Variants in NCOA2 observed in about 807,000 individuals in gnomAD.
The protein encoded by NCOA2 is class E basic helix-loop-helix protein 75.
NCOA2 carries 21 observed loss-of-function variants against 145.1 expected under a neutral mutation model. The ratio of observed to expected loss-of-function variants is 0.14; its 90% confidence interval spans 0.10 to 0.21. The LOEUF (loss-of-function observed/expected upper bound fraction) is 0.21, where lower values mean the gene tolerates loss of function less well. Among genes scored for constraint, NCOA2 ranks in the 10% least tolerant of loss-of-function variants. The pLI is 1.00. For missense variants in NCOA2, 1,472 were observed against 1,837.6 expected, an observed-to-expected ratio of 0.80 and a Z score of 3.64; for synonymous variants, 619 against 637.5, an observed-to-expected ratio of 0.97 and a Z score of 0.44.
At chr8:70,433,757 C>T in the NCOA2 span, among the ~76,000 whole-genome samples, 2 of 152,064 alleles carry the variant, frequency 1.3e-5, no homozygotes, top group East Asian at 1.9e-4. Flanking sequence ...TGAATGTGAC[C>T]GGTGACAAAT....
At chr8:70,281,293 T>C (rs1203209441) in intron 2 of NCOA2, among the ~76,000 whole-genome samples, 1 of 142,342 alleles carries the variant, frequency 7.0e-6, no homozygotes, top group Non-Finnish European at 1.5e-5. Flanking sequence ...GAGGCGGAGG[T>C]TGTAGTGAGC....
chr8:70,413,821 C>CATTTAATCAAA, the NCOA2 span, among the ~76,000 whole-genome samples: 1 of 152,122 alleles, frequency 6.6e-6, no homozygotes, highest in African/African-American at 2.4e-5. Context: ...GCCTCGGCCC[C>CATTTAATCAAA]TGGGTTGTTT....
chr8:70,212,080 T>C (rs1332269521), intron 4 of NCOA2, among the ~76,000 whole-genome samples: 1 of 145,730 alleles, frequency 6.9e-6, no homozygotes, highest in Non-Finnish European at 1.5e-5. Flanking sequence ...TATATATATA[T>C]ATATATATAT....
chr8:70,215,514 G>A (rs1819522834), intron 3 of NCOA2, among the ~76,000 whole-genome samples: 1 of 152,090 alleles, frequency 6.6e-6, no homozygotes. Context: ...GAGATTTATT[G>A]GGCTTGATGT....
At chr8:70,201,072 A>AG (rs398047247) in intron 4 of NCOA2, among the ~76,000 whole-genome samples, 60 of 149,562 alleles carry the variant, frequency 4.0e-4, no homozygotes, top group Non-Finnish European at 7.7e-4. Flanking sequence ...AAAAAAAAAA[A>AG]GTAAAGTGAA....
In NCOA2 at chr8:70,112,144, C is replaced by G. The variant is rs893003594; in HGVS notation, c.*1488G>C. On this transcript the variant is annotated 3_prime_UTR_variant, in exon 23 of 23. Coordinates refer to ENST00000452400, the MANE Select transcript of NCOA2 (RefSeq NM_006540.4). The stretch of plus-strand genomic sequence containing the variant: ...ATTGGTTCCTACAGCGGCTGCATAT[C>G]ATATAGATTAGATAAATGACTTATA... 4.9e-6 allele frequency: 1 copy of G among 204,672 alleles called. No individual in the cohort carries two copies. The highest frequency in any genetic ancestry group is 2.3e-5 in the African/African-American group (1 of 43,722). The allele number at this position is 204,672 out of a possible 1,614,324, so 12.7% of individuals were successfully genotyped here.
intron 2 of NCOA2, among the ~76,000 whole-genome samples, chr8:70,220,008 C>T (rs1012905957): frequency 6.6e-6 from 1 of 152,156 alleles, no homozygotes; most frequent in East Asian, 1.9e-4. Context: ...ATATAAATTA[C>T]TTTTTCTATA....
At chr8:70,292,811 A>C (rs1030834440) in intron 2 of NCOA2, among the ~76,000 whole-genome samples, 1 of 152,218 alleles carries the variant, frequency 6.6e-6, no homozygotes, top group South Asian at 2.1e-4. Context: ...GTTCACACTA[A>C]TGTGTGCACA....
chr8:70,273,467 A>G, intron 2 of NCOA2: 1 of 632,566 alleles, frequency 1.6e-6, no homozygotes, highest in Admixed American at 2.4e-5. Context: ...GGTGGTTCAC[A>G]GAACAGCCAC....
the NCOA2 span, among the ~76,000 whole-genome samples, chr8:70,447,610 T>G: frequency 7.4e-3 from 1,119 of 152,070 alleles, 24 homozygotes; most frequent in East Asian, 0.075. Context: ...CCCTGGTTGA[T>G]AGTTAATTTA....
At chr8:70,445,316 G>C in the NCOA2 span, among the ~76,000 whole-genome samples, 1 of 152,148 alleles carries the variant, frequency 6.6e-6, no homozygotes. Context: ...GTGGGGAAAG[G>C]CTTGGTTGAA....
intron 2 of NCOA2, among the ~76,000 whole-genome samples, chr8:70,292,137 T>G (rs1400338643): frequency 6.6e-6 from 1 of 151,800 alleles, no homozygotes; most frequent in African/African-American, 2.4e-5. Context: ...GCCCTGTTTT[T>G]TGTTTGTTTG....
chr8:70,164,538 T>C (rs1163471820), intron 7 of NCOA2, among the ~76,000 whole-genome samples: 1 of 152,180 alleles, frequency 6.6e-6, no homozygotes, highest in East Asian at 1.9e-4. Context: ...CAGGTATTCA[T>C]GCTGTAAGGC....
At chr8:70,353,802 G>A (rs1379547837) in intron 1 of NCOA2, among the ~76,000 whole-genome samples, 1 of 152,090 alleles carries the variant, frequency 6.6e-6, no homozygotes, top group Non-Finnish European at 1.5e-5. Flanking sequence ...ATGTAAGCTT[G>A]CGCAGTGTCC....
At chr8:70,175,422 C>G (rs1035380433) in intron 4 of NCOA2, among the ~76,000 whole-genome samples, 4 of 152,222 alleles carry the variant, frequency 2.6e-5, no homozygotes, top group African/African-American at 9.6e-5. Flanking sequence ...CAAAGTGCTT[C>G]TCCATCTAAG....
At chr8:70,342,818 CACAT>C (rs980083403) in intron 1 of NCOA2, among the ~76,000 whole-genome samples, 6 of 143,300 alleles carry the variant, frequency 4.2e-5, no homozygotes, top group African/African-American at 1.1e-4. Flanking sequence ...CACACACACA[CACAT>C]CCCTACATGG....
rs565591100 is a variant in NCOA2, at chr8:70,129,001, A to G, written c.3325-21T>C. The G allele has an allele frequency of 3.2e-6, 5 of 1,569,496 alleles. No homozygotes were observed. The South Asian group carries it at 5.8e-5, about 18-fold the overall frequency. ...TGGCTCTGGAGAGAAAGTCCCAAAT[A>G]ACAAACAAATAATTAAACCATAAAA... On this transcript the variant is annotated intron_variant, in intron 16 of 22. Coordinates refer to ENST00000452400, the MANE Select transcript of NCOA2 (RefSeq NM_006540.4).
chr8:70,141,149 A>G (rs1293446687), intron 14 of NCOA2, 35 bp downstream of exon 14: 1 of 1,585,878 alleles, frequency 6.3e-7, no homozygotes, highest in Non-Finnish European at 8.6e-7. Flanking sequence ...AGAGAGCATA[A>G]AAGTTAAAAG....
At chr8:70,344,462 C>G (rs558603821) in intron 1 of NCOA2, among the ~76,000 whole-genome samples, 2 of 152,342 alleles carry the variant, frequency 1.3e-5, no homozygotes, top group Admixed American at 1.3e-4. Flanking sequence ...CTCATCTGCT[C>G]CTCCTCTGGT....
Sources: allele counts gnomAD v4.1 joint callset (sites outside exome capture counted in the v4.1 genomes callset), GRCh38; gene constraint gnomAD v4.1.1; transcripts MANE v1.5; gene names NCBI Gene and HGNC (gene_info 2026-07-23, HGNC 2026-07-21).